Variants in KMT5B observed in about 807,000 individuals in gnomAD.
The protein encoded by KMT5B is lysine methyltransferase 5B, also known as histone-lysine N-methyltransferase KMT5B.
A neutral mutation model predicts 83.2 loss-of-function variants in KMT5B; 10 were observed. That is an observed-to-expected ratio of 0.12 (90% CI 0.07 to 0.20). KMT5B has a LOEUF of 0.20. KMT5B is among the 10% of genes least tolerant of loss of function. The probability of loss-of-function intolerance (pLI) is 1.00; values close to 1 mark genes in which losing one functional copy is unlikely to be tolerated. For synonymous variants in KMT5B, 349 were observed against 388.8 expected (o/e 0.90, Z 1.20); for missense variants, 753 against 1,067.2 (o/e 0.71, Z 4.10).
Position 68,199,421 on chromosome 11 carries a change from A to G in KMT5B, c.-76-9269T>C, listed in dbSNP as rs147271582. ...GCCAGGCATCAGGCAAGAAGCATGC[A>G]GTAGACAAAGGGAAGGGCAAACACA... is the stretch of plus-strand genomic sequence containing the variant. On this transcript the variant is annotated intron_variant, in intron 1 of 10. Transcript: ENST00000304363. 1.5e-3 allele frequency among the ~76,000 whole-genome samples: 232 copies of G among 152,268 alleles called. 1 individual carries two copies. The highest frequency in any genetic ancestry group is 5.2e-3 in the African/African-American group (215 of 41,558).
chr11:68,187,252 C>T (rs1208991656), intron 2 of KMT5B, among the ~76,000 whole-genome samples: 1 of 152,186 alleles, frequency 6.6e-6, no homozygotes, highest in Non-Finnish European at 1.5e-5. Flanking sequence ...CCTGCCTCAG[C>T]CTCCCAAACT....
intron 10 of KMT5B, 22 bp downstream of exon 10, chr11:68,166,960 T>C (rs1203074718): frequency 6.2e-7 from 1 of 1,610,776 alleles, no homozygotes; most frequent in Non-Finnish European, 8.5e-7. Flanking sequence ...AAAGATATGC[T>C]TATCAAATCT....
chr11:68,167,727 G>T (rs189621150), intron 9 of KMT5B, among the ~76,000 whole-genome samples: 1 of 152,234 alleles, frequency 6.6e-6, no homozygotes. Context: ...CAAAGTGCTG[G>T]ATTTACAGGC....
intron 1 of KMT5B, among the ~76,000 whole-genome samples, chr11:68,206,218 C>G (rs1289840945): frequency 6.6e-6 from 1 of 152,188 alleles, no homozygotes; most frequent in African/African-American, 2.4e-5. Flanking sequence ...ATCTGCTTAC[C>G]TAGCAGTGCC....
At position 68,173,934 on chromosome 11, in the gene KMT5B, T is replaced by A. The variant is rs754298746; in HGVS notation, c.544-21A>T. ...AATACCTAAAACAGGAAAAAAAAAT[T>A]GATAATGACTTTAAATGGTATACCC... On this transcript the variant is annotated intron_variant, in intron 5 of 10. Transcript: ENST00000304363. The A allele has an allele frequency of 7.8e-5, 114 of 1,461,186 alleles. 2 individuals are homozygous for A. In the South Asian group the frequency reaches 1.3e-3, roughly 16 times the overall value. The allele number at this position is 1,461,186 out of a possible 1,614,324, so 90.5% of individuals were successfully genotyped here. A position where few individuals can be genotyped will look rare whatever the true frequency, so the allele number is the denominator to read the frequency against.
At chr11:68,210,295 G>A (rs1041061348) in intron 1 of KMT5B, among the ~76,000 whole-genome samples, 5 of 151,966 alleles carry the variant, frequency 3.3e-5, no homozygotes, top group Admixed American at 3.3e-4. Flanking sequence ...AAACCCAACT[G>A]ATTAACTATC....
chr11:68,158,139 T>C lies in KMT5B; in HGVS notation c.2207A>G (p.Asp736Gly). Residue 736 changes from aspartate (D) to glycine (G), a missense_variant, in exon 11 of 11, where the codon GAT becomes GGT. Physicochemically the swap from Asp to Gly is moderately conservative, Grantham distance 94 (BLOSUM62 -1). Transcript: ENST00000304363. ...SSSKTNDQENDGMNSSKISIK... is the reference protein window; with the variant it reads ...SSSKTNDQENGGMNSSKISIK... ...GCTTATTTTGGAAGAGTTCATTCCA[T>C]CATTCTCTTGGTCATTTGTTTTGCT... 6.2e-7 allele frequency: 1 copy of C among 1,614,218 alleles called. No individual in the cohort carries two copies. Among genetic ancestry groups the C allele is most frequent in the Non-Finnish European group, 8.5e-7 (1 of 1,180,036 alleles).
At chr11:68,187,054 T>A (rs996788913) in intron 2 of KMT5B, among the ~76,000 whole-genome samples, 10 of 152,002 alleles carry the variant, frequency 6.6e-5, no homozygotes, top group Non-Finnish European at 1.5e-4. Context: ...TGGAGTGCAG[T>A]GGCATGATCA....
At chr11:68,197,124 C>G (rs1380021065) in intron 1 of KMT5B, among the ~76,000 whole-genome samples, 1 of 152,092 alleles carries the variant, frequency 6.6e-6, no homozygotes, top group Non-Finnish European at 1.5e-5. Flanking sequence ...GTGCGCACCA[C>G]CACACCTGGC....
chr11:68,167,264 T>C (rs924617592), intron 9 of KMT5B, 86 bp from the exon 10 acceptor site: 59 of 1,491,674 alleles, frequency 4.0e-5, no homozygotes, highest in African/African-American at 3.1e-4. Context: ...GGCTACAGGT[T>C]AACAGATGTG....
chr11:68,161,667 A>C (rs1316422822), intron 10 of KMT5B, among the ~76,000 whole-genome samples: 1 of 152,146 alleles, frequency 6.6e-6, no homozygotes, highest in African/African-American at 2.4e-5. Flanking sequence ...TGACACTGAT[A>C]ACCACTTTTT....
At chr11:68,194,189 GTTT>G (rs1160247623) in intron 1 of KMT5B, among the ~76,000 whole-genome samples, 4 of 130,610 alleles carry the variant, frequency 3.1e-5, no homozygotes, top group Admixed American at 7.9e-5. Flanking sequence ...CAAGTACCAA[GTTT>G]TTTTTTTTTT....
In KMT5B at chr11:68,175,065, A is replaced by T; in HGVS notation, c.496T>A (p.Tyr166Asn). 6.2e-7 allele frequency: 1 copy of T among 1,614,072 alleles called. No individual in the cohort carries two copies. Among genetic ancestry groups the T allele is most frequent in the Non-Finnish European group, 8.5e-7 (1 of 1,179,940 alleles). Residue 166 changes from tyrosine (Y) to asparagine (N), a missense_variant, in exon 5 of 11, where the codon TAT becomes AAT. Transcript: ENST00000304363. ...CLTSGEWARH[Y>N]FLNKNKMQEK... ...TGCATTTTATTCTTGTTGAGAAAAT[A>T]GTGCCGTGCCCATTCGCCTGAAGTC...
rs750017627 is a variant in KMT5B, at chr11:68,159,146, G to A, written c.1200C>T (p.Gly400=). 7.0e-6 allele frequency: 11 copies of A among 1,573,566 alleles called. No homozygotes were observed. Among genetic ancestry groups the A allele is most frequent in the South Asian group, 3.6e-5 (3 of 84,044 alleles). The change falls in exon 11 of 11, where the codon GGC becomes GGT. Residue 400 remains glycine, a synonymous_variant. Coordinates refer to ENST00000304363, the MANE Select transcript of KMT5B (RefSeq NM_017635.5). ...NATSNRKSSV[G]VKKNSKSRTL... is the part of the protein sequence containing the mutation. The stretch of plus-strand genomic sequence containing the variant: ...TTCTGCTCTTGCTATTCTTTTTTAC[G>A]CCAACTGAAGATTTTCGGTTAGAAG...
intron 1 of KMT5B, among the ~76,000 whole-genome samples, chr11:68,199,833 A>T (rs1417314264): frequency 2.0e-5 from 3 of 152,224 alleles, no homozygotes; most frequent in Non-Finnish European, 4.4e-5. Flanking sequence ...TTCCGCTGAT[A>T]GTCGGGAACT....
At chr11:68,175,623 T>G (rs1233461616) in intron 4 of KMT5B, among the ~76,000 whole-genome samples, 2 of 152,186 alleles carry the variant, frequency 1.3e-5, no homozygotes, top group East Asian at 1.9e-4. Context: ...GACAAGAATC[T>G]TTTTAAAACA....
intron 1 of KMT5B, among the ~76,000 whole-genome samples, chr11:68,205,517 A>T (rs1269097406): frequency 6.6e-6 from 1 of 152,230 alleles, no homozygotes; most frequent in East Asian, 1.9e-4. Context: ...TATTTATATT[A>T]AAACTTACAA....
chr11:68,178,707 T>C (rs1289469107), intron 4 of KMT5B, among the ~76,000 whole-genome samples: 1 of 152,284 alleles, frequency 6.6e-6, no homozygotes, highest in East Asian at 1.9e-4. Context: ...TGGCTGATAG[T>C]CCAAATCAAA....
At chr11:68,209,550 T>C (rs1004684292) in intron 1 of KMT5B, among the ~76,000 whole-genome samples, 3 of 152,128 alleles carry the variant, frequency 2.0e-5, no homozygotes, top group African/African-American at 7.2e-5. Flanking sequence ...CCTATAAAGG[T>C]GGCACAAGGT....
Sources: allele counts gnomAD v4.1 joint callset (sites outside exome capture counted in the v4.1 genomes callset), GRCh38; gene constraint gnomAD v4.1.1; transcripts MANE v1.5; gene names NCBI Gene and HGNC (gene_info 2026-07-23, HGNC 2026-07-21).